The following KCNG3 variants were observed in gnomAD, a reference collection of about 807,000 sequenced individuals.
KCNG3 encodes the protein potassium voltage-gated channel modifier subfamily G member 3, also known as voltage-gated potassium channel regulatory subunit KCNG3.
A neutral mutation model predicts 29.0 loss-of-function variants in KCNG3; 15 were observed. That is an observed-to-expected ratio of 0.52 (90% CI 0.35 to 0.80). The LOEUF is 0.80. Ranked by LOEUF, KCNG3 falls within the 30% of genes least tolerant of loss-of-function variation. The probability of loss-of-function intolerance (pLI) is 0.01; values close to 1 mark genes in which losing one functional copy is unlikely to be tolerated. For synonymous variants in KCNG3, 322 were observed against 248.9 expected (o/e 1.29, Z -2.76); for missense variants, 512 against 605.7 (o/e 0.85, Z 1.62).
chr2:42,457,422 G>T (rs1232047729), intron 1 of KCNG3, among the ~76,000 whole-genome samples: 1 of 151,908 alleles, frequency 6.6e-6, no homozygotes, highest in Non-Finnish European at 1.5e-5. Flanking sequence ...TGAGCCTGGG[G>T]AGGTTGAAGC....
chr2:42,389,581 T>C, the KCNG3 span, among the ~76,000 whole-genome samples: 1 of 152,224 alleles, frequency 6.6e-6, no homozygotes, highest in African/African-American at 2.4e-5. Context: ...TTGGAATATA[T>C]TTGTATCTAC....
At chr2:42,395,526 G>C in the KCNG3 span, among the ~76,000 whole-genome samples, 5 of 152,142 alleles carry the variant, frequency 3.3e-5, no homozygotes, top group African/African-American at 7.2e-5. Context: ...GTTTACTTTG[G>C]TAGATGTAAT....
the KCNG3 span, among the ~76,000 whole-genome samples, chr2:42,421,348 GAGA>G: frequency 2.0e-5 from 3 of 152,110 alleles, no homozygotes; most frequent in African/African-American, 7.2e-5. Flanking sequence ...AACAGGATGA[GAGA>G]AGATGAACCT....
At chr2:42,461,044 C>T (rs1291412043) in intron 1 of KCNG3, among the ~76,000 whole-genome samples, 1 of 151,680 alleles carries the variant, frequency 6.6e-6, no homozygotes, top group Non-Finnish European at 1.5e-5. Context: ...GTCTGTAGTC[C>T]CAGCTACTCG....
the KCNG3 span, among the ~76,000 whole-genome samples, chr2:42,391,704 G>A: frequency 3.0e-5 from 4 of 134,730 alleles, no homozygotes; most frequent in South Asian, 2.6e-4. Context: ...CCGGGTTCAC[G>A]CCATTCTCCT....
At chr2:42,479,553 G>A (rs1190912490) in intron 1 of KCNG3, among the ~76,000 whole-genome samples, 2 of 151,778 alleles carry the variant, frequency 1.3e-5, no homozygotes, top group East Asian at 3.9e-4. Flanking sequence ...GGCTGAGGCA[G>A]GAGGGTCGCT....
At chr2:42,427,917 T>C in the KCNG3 span, among the ~76,000 whole-genome samples, 2 of 152,142 alleles carry the variant, frequency 1.3e-5, no homozygotes, top group African/African-American at 4.8e-5. Flanking sequence ...ATTTGGTACA[T>C]TAACATGTAA....
the KCNG3 span, among the ~76,000 whole-genome samples, chr2:42,410,752 G>A: frequency 4.2e-4 from 64 of 152,198 alleles, 1 homozygote; most frequent in African/African-American, 1.4e-3. Flanking sequence ...CCTTTAGGAT[G>A]TAGTTCCAAG....
downstream of KCNG3, among the ~76,000 whole-genome samples, chr2:42,437,304 T>C (rs1672393432): frequency 6.6e-6 from 1 of 152,196 alleles, no homozygotes; most frequent in Admixed American, 6.5e-5. Flanking sequence ...AGTCGAATCT[T>C]AGAAAGAAAG....
chr2:42,475,671 G>C (rs1673406189), intron 1 of KCNG3, among the ~76,000 whole-genome samples: 1 of 150,682 alleles, frequency 6.6e-6, no homozygotes, highest in South Asian at 2.1e-4. Flanking sequence ...AAAAATTCCT[G>C]TGACTGTAAA....
At chr2:42,416,025 T>A in the KCNG3 span, among the ~76,000 whole-genome samples, 1 of 151,914 alleles carries the variant, frequency 6.6e-6, no homozygotes, top group Non-Finnish European at 1.5e-5. Context: ...TGAAACTCCA[T>A]CTCCACTAAA....
chr2:42,404,373 T>C, the KCNG3 span, among the ~76,000 whole-genome samples: 2 of 152,108 alleles, frequency 1.3e-5, no homozygotes, highest in African/African-American at 4.8e-5. Context: ...AGAAGTGAGC[T>C]CTAGAAATGA....
intron 1 of KCNG3, among the ~76,000 whole-genome samples, chr2:42,453,691 G>A (rs1279421920): frequency 6.6e-6 from 1 of 151,970 alleles, no homozygotes; most frequent in Admixed American, 6.6e-5. Context: ...TTCCTTTGCT[G>A]TGCAGAAGCT....
intron 1 of KCNG3, among the ~76,000 whole-genome samples, chr2:42,460,128 T>G (rs994323695): frequency 6.6e-6 from 1 of 151,554 alleles, no homozygotes; most frequent in Non-Finnish European, 1.5e-5. Context: ...CTTTGAGAGG[T>G]TGAGGTGGGA....
At chr2:42,399,284 C>T in the KCNG3 span, among the ~76,000 whole-genome samples, 2 of 152,102 alleles carry the variant, frequency 1.3e-5, no homozygotes, top group Non-Finnish European at 2.9e-5. Flanking sequence ...TCTTGAACTC[C>T]TGGACTCAAG....
At chr2:42,413,995 A>G in the KCNG3 span, among the ~76,000 whole-genome samples, 1 of 152,238 alleles carries the variant, frequency 6.6e-6, no homozygotes, top group Non-Finnish European at 1.5e-5. Flanking sequence ...TTTCTGAACA[A>G]AACAATGATC....
chr2:42,457,736 G>A (rs1672915343), intron 1 of KCNG3, among the ~76,000 whole-genome samples: 1 of 150,326 alleles, frequency 6.7e-6, no homozygotes, highest in Non-Finnish European at 1.5e-5. Flanking sequence ...GGATCACTTG[G>A]GCCCAGGAGT....
At chr2:42,410,348 T>C in the KCNG3 span, among the ~76,000 whole-genome samples, 2 of 152,212 alleles carry the variant, frequency 1.3e-5, no homozygotes, top group South Asian at 2.1e-4. Context: ...GATCAAGGGA[T>C]ACACGCATTT....
At chr2:42,426,699 G>T in the KCNG3 span, among the ~76,000 whole-genome samples, 1 of 152,192 alleles carries the variant, frequency 6.6e-6, no homozygotes, top group Admixed American at 6.5e-5. Context: ...TTTAATCCAG[G>T]TGCAGATAAT....
Sources: gnomAD v4.1 joint callset for allele counts (sites outside exome capture counted in the v4.1 genomes callset) on GRCh38, gnomAD v4.1.1 for gene constraint, MANE v1.5 for transcripts, NCBI Gene and HGNC (gene_info 2026-07-23, HGNC 2026-07-21) for gene names.